C16orf96: variants seen among roughly 807,000 people sequenced by gnomAD.
The protein encoded by C16orf96 is uncharacterized protein C16orf96.
In C16orf96, 108 loss-of-function variants were observed where a neutral mutation model predicts 103.6. The ratio of observed to expected loss-of-function variants is 1.04; its 90% CI spans 0.89 to 1.22. C16orf96 has a LOEUF of 1.22. Ranked by LOEUF, C16orf96 falls within the 50% of genes most tolerant of loss-of-function variation. The pLI is 0.00. For synonymous variants in C16orf96, 566 were observed against 593.5 expected (o/e 0.95, Z 0.67); for missense variants, 1,586 against 1,464.2 (o/e 1.08, Z -1.36).
chr16:4,563,281 A>G (rs964114272), intron 1 of C16orf96, among the ~76,000 whole-genome samples: 3 of 151,830 alleles, frequency 2.0e-5, no homozygotes, highest in African/African-American at 7.3e-5. Flanking sequence ...GCAGGGTCTC[A>G]CTCTGTCGCC....
At chr16:4,584,520 G>A (rs1383758160) in intron 7 of C16orf96, among the ~76,000 whole-genome samples, 1 of 149,222 alleles carries the variant, frequency 6.7e-6, no homozygotes, top group Non-Finnish European at 1.5e-5. Flanking sequence ...GTTAATTTTT[G>A]TGGTTTTTTT....
Position 4,587,081 on chromosome 16 carries a change from A to G in C16orf96, c.2395A>G (p.Asn799Asp). The G allele has an allele frequency of 6.4e-7, 1 of 1,551,650 alleles. No homozygotes were observed. Among genetic ancestry groups the G allele is most frequent in the Non-Finnish European group, 8.7e-7 (1 of 1,146,956 alleles). ...CAAAAGACTGGAAATGAACAAGGTG[A>G]ATAAGAGCACGATGGAGGAGGAGCT... ...QIKRLEMNKVNKSTMEEELRE... is the reference protein window; with the variant it reads ...QIKRLEMNKVDKSTMEEELRE... Residue 799 changes from asparagine (N) to aspartate (D), a missense_variant, in exon 8 of 16, where the codon AAT becomes GAT. By Grantham distance (23) the Asn-to-Asp change is conservative. Transcript: ENST00000444310.
At position 4,594,748 on chromosome 16, in the gene C16orf96, C is replaced by T; in HGVS notation, c.3072C>T (p.Gly1024=). The change falls in exon 14 of 16, where the codon GGC becomes GGT. Residue 1024 remains glycine (G), a synonymous_variant. Coordinates refer to ENST00000444310, the MANE Select transcript of C16orf96 (RefSeq NM_001145011.2). ...ILGVDGILYK[G]RVNSQRGAQP... is the part of the protein sequence containing the mutation. ...GCGTGGATGGGATCCTGTACAAAGG[C>T]CGCGTGAACAGCCAGCGTGGGGCTC... 6.4e-7 allele frequency: 1 copy of T among 1,551,124 alleles called. No individual in the cohort carries two copies. The highest frequency in any genetic ancestry group is 8.7e-7 in the Non-Finnish European group (1 of 1,146,908).
chr16:4,557,274 C>T (rs1001087422), intron 1 of C16orf96, among the ~76,000 whole-genome samples: 10 of 151,958 alleles, frequency 6.6e-5, no homozygotes, highest in Non-Finnish European at 1.5e-5. Flanking sequence ...CCAGCCTTCT[C>T]CTGGGACATC....
the C16orf96 span, among the ~76,000 whole-genome samples, chr16:4,545,703 CT>C: frequency 6.6e-6 from 1 of 152,202 alleles, no homozygotes; most frequent in East Asian, 1.9e-4. Flanking sequence ...CCTCCCACTC[CT>C]TGGCTATCAA....
chr16:4,550,601 T>C, the C16orf96 span, among the ~76,000 whole-genome samples: 5 of 152,158 alleles, frequency 3.3e-5, no homozygotes, highest in African/African-American at 1.2e-4. Context: ...CATGCCACTC[T>C]CCTCACCTCC....
chr16:4,545,142 G>A, the C16orf96 span, among the ~76,000 whole-genome samples: 1 of 152,068 alleles, frequency 6.6e-6, no homozygotes, highest in African/African-American at 2.4e-5. Flanking sequence ...ACGTTAGTTG[G>A]GTGCTCTTCT....
chr16:4,569,068 C>T (rs998259541), intron 1 of C16orf96, among the ~76,000 whole-genome samples: 1 of 152,028 alleles, frequency 6.6e-6, no homozygotes, highest in Non-Finnish European at 1.5e-5. Context: ...CTCCGGGGTT[C>T]AAGTGATCCT....
intron 2 of C16orf96, among the ~76,000 whole-genome samples, chr16:4,573,248 G>A (rs1423319534): frequency 2.0e-5 from 3 of 151,886 alleles, no homozygotes; most frequent in Non-Finnish European, 2.9e-5. Flanking sequence ...GACCAGCCTG[G>A]CCAACATGGT....
intron 1 of C16orf96, among the ~76,000 whole-genome samples, chr16:4,570,023 G>A (rs1041137851): frequency 2.0e-5 from 3 of 152,146 alleles, no homozygotes; most frequent in East Asian, 1.9e-4. Context: ...TATCCCCTAC[G>A]TCTTAAAAGT....
chr16:4,573,163 C>T (rs1436287771), intron 2 of C16orf96, among the ~76,000 whole-genome samples: 4 of 152,050 alleles, frequency 2.6e-5, no homozygotes, highest in Non-Finnish European at 5.9e-5. Context: ...CTCGGCGGGG[C>T]CTGGTGTCTC....
chr16:4,556,880 G>T lies in C16orf96; in HGVS notation c.391G>T (p.Val131Leu). 1 of 1,549,248 alleles carries T rather than the reference G, an allele frequency of 6.5e-7. No individual in the cohort carries two copies. Among genetic ancestry groups the T allele is most frequent in the Non-Finnish European group, 8.7e-7 (1 of 1,145,182 alleles). The change falls in exon 1 of 16, where the codon GTG becomes TTG. Residue 131 changes from valine (V) to leucine (L), a missense_variant. Coordinates refer to ENST00000444310, the MANE Select transcript of C16orf96 (RefSeq NM_001145011.2). The part of the protein sequence containing the change: ...LWHLIKLRKM[V>L]EGHDEVMAKS... ...GCATCTGATCAAGCTCCGGAAGATG[G>T]TGGAGGGTCATGATGAAGTCATGGC...
intron 2 of C16orf96, among the ~76,000 whole-genome samples, chr16:4,574,133 C>T (rs1037900372): frequency 6.6e-6 from 1 of 150,750 alleles, no homozygotes; most frequent in Admixed American, 6.6e-5. Context: ...GTGCCCGGCC[C>T]TCTTGGAGAT....
chr16:4,554,216 C>A (rs1359463443), upstream of C16orf96, among the ~76,000 whole-genome samples: 36 of 152,178 alleles, frequency 2.4e-4, no homozygotes, highest in Admixed American at 2.4e-3. Context: ...AGGGCTGAGA[C>A]CCTGTTTGAG....
chr16:4,540,755 C>CT, the C16orf96 span, among the ~76,000 whole-genome samples: 131 of 147,340 alleles, frequency 8.9e-4, no homozygotes, highest in Non-Finnish European at 1.1e-3. Flanking sequence ...ATTCTTCTTT[C>CT]TTTTTTTTTT....
At position 4,595,315 on chromosome 16, in the gene C16orf96, G is replaced by C. The variant is rs145583345; in HGVS notation, c.3127+512G>C. Among the ~76,000 whole-genome samples the C allele has an allele frequency of 6.0e-3, 920 of 152,312 alleles. 6 individuals are homozygous for C. The highest frequency in any genetic ancestry group is 7.0e-3 in the Admixed American group (107 of 15,286). Reference sequence around the variant, plus strand: ...GAGTCTCCCTGAAGGGTGGAGACTGGGGTGGGGCAGTGGGGTGACAAGGAG... The same window carrying C: ...GAGTCTCCCTGAAGGGTGGAGACTGCGGTGGGGCAGTGGGGTGACAAGGAG... On this transcript the variant is annotated intron_variant, in intron 14 of 15. Coordinates refer to ENST00000444310, the MANE Select transcript of C16orf96 (RefSeq NM_001145011.2).
intron 9 of C16orf96, among the ~76,000 whole-genome samples, chr16:4,589,053 G>A (rs369335049): frequency 2.6e-5 from 4 of 152,214 alleles, no homozygotes; most frequent in East Asian, 1.9e-4. Flanking sequence ...GTCAGTAAAC[G>A]ATGAATGAAT....
At chr16:4,589,016 TC>T (rs1360878595) in intron 9 of C16orf96, among the ~76,000 whole-genome samples, 3 of 151,962 alleles carry the variant, frequency 2.0e-5, no homozygotes, top group Non-Finnish European at 4.4e-5. Context: ...TCTAGACACT[TC>T]CCCGGGGTCT....
chr16:4,547,826 G>A, the C16orf96 span, among the ~76,000 whole-genome samples: 1 of 143,088 alleles, frequency 7.0e-6, no homozygotes, highest in South Asian at 2.3e-4. Flanking sequence ...TTGAGATAAG[G>A]TCTCCCAGTA....
Sources: gnomAD v4.1 joint callset for allele counts (sites outside exome capture counted in the v4.1 genomes callset) on GRCh38, gnomAD v4.1.1 for gene constraint, MANE v1.5 for transcripts, NCBI Gene and HGNC (gene_info 2026-07-23, HGNC 2026-07-21) for gene names.